The following SAMMSON variants were observed in gnomAD, a reference collection of about 807,000 sequenced individuals.
SAMMSON encodes long intergenic non-protein coding RNA 1212.
At chr3:70,030,029 TTGATTCATACTC>T (rs1012075285) in intron 3 of SAMMSON, among the ~76,000 whole-genome samples, 1 of 152,222 alleles carries the variant, frequency 6.6e-6, no homozygotes, top group Non-Finnish European at 1.5e-5. Context: ...GAATTTAATC[TTGATTCATACTC>T]TGTGGAATAT....
intron 4 of SAMMSON, among the ~76,000 whole-genome samples, chr3:70,170,323 A>T (rs184445510): frequency 2.0e-3 from 309 of 152,002 alleles, no homozygotes; most frequent in African/African-American, 7.2e-3. Flanking sequence ...ATAGCTTTAC[A>T]GGAAAAATGA....
chr3:70,276,770 G>C (rs1282116160), intron 6 of SAMMSON, among the ~76,000 whole-genome samples: 1 of 152,148 alleles, frequency 6.6e-6, no homozygotes, highest in Non-Finnish European at 1.5e-5. Flanking sequence ...TGGCAGAATT[G>C]AATAGTTGTG....
At chr3:70,147,607 A>G (rs1228650135) in intron 4 of SAMMSON, among the ~76,000 whole-genome samples, 1 of 152,056 alleles carries the variant, frequency 6.6e-6, no homozygotes, top group Non-Finnish European at 1.5e-5. Flanking sequence ...AACCATATGC[A>G]AGAAAATAAA....
intron 2 of SAMMSON, among the ~76,000 whole-genome samples, chr3:70,410,199 C>T (rs1559583421): frequency 1.3e-5 from 2 of 152,336 alleles, no homozygotes; most frequent in East Asian, 1.9e-4. Context: ...TGTTGCCTTC[C>T]TTCCCAGACC....
chr3:70,326,687 T>C (rs189401979), intron 7 of SAMMSON, among the ~76,000 whole-genome samples: 125 of 152,278 alleles, frequency 8.2e-4, no homozygotes, highest in Admixed American at 1.9e-3. Flanking sequence ...TTTGAATATA[T>C]TTTTCTCTCT....
intron 3 of SAMMSON, chr3:70,024,884 A>T (rs955187253): frequency 6.6e-6 from 1 of 152,198 alleles, no homozygotes; most frequent in Non-Finnish European, 1.5e-5. Context: ...GAGGCAGAAA[A>T]CTCAAGAATG....
In SAMMSON at chr3:70,144,099, C is replaced by T. The variant is rs1380558320; in HGVS notation, n.507+72534C>T. Among the ~76,000 whole-genome samples the T allele has an allele frequency of 2.6e-5, 4 of 151,962 alleles. No homozygotes were observed. The East Asian group carries it at 7.7e-4, about 29-fold the overall frequency. ...AACAACTTTCCTTGGTAGAAGAACT[C>T]ATCAAAAAATATTTGGAAAGGGCAA... On this transcript the variant is annotated intron_variant and non_coding_transcript_variant, in intron 4 of 9. Coordinates refer to ENST00000642114, the Ensembl canonical transcript of SAMMSON.
Position 70,411,866 on chromosome 3 carries a change from T to C in SAMMSON, n.234-50694T>C, listed in dbSNP as rs571950124. Among the ~76,000 whole-genome samples the C allele has an allele frequency of 2.0e-5, 3 of 152,324 alleles. No homozygotes were observed. In the South Asian group the frequency reaches 6.2e-4, roughly 32 times the overall value. On this transcript the variant is annotated intron_variant and non_coding_transcript_variant, in intron 2 of 3. Transcript: ENST00000641053. ...TAAATTACTCAGTCGTGGGTATTTC[T>C]TCATAGGAGTATGAAAATGGGCTCA...
At chr3:70,005,455 G>C (rs1411032922) in intron 1 of SAMMSON, among the ~76,000 whole-genome samples, 1 of 152,038 alleles carries the variant, frequency 6.6e-6, no homozygotes, top group Admixed American at 6.6e-5. Flanking sequence ...TCTCCATGTG[G>C]TGTTTCATCA....
chr3:70,079,592 A>T (rs2067260596), intron 4 of SAMMSON, among the ~76,000 whole-genome samples: 1 of 152,224 alleles, frequency 6.6e-6, no homozygotes, highest in Non-Finnish European at 1.5e-5. Flanking sequence ...TCTATAAAAT[A>T]GGCTTTGCGT....
At chr3:70,256,160 T>C (rs1299369848) in intron 6 of SAMMSON, among the ~76,000 whole-genome samples, 2 of 152,220 alleles carry the variant, frequency 1.3e-5, no homozygotes, top group Non-Finnish European at 2.9e-5. Context: ...TACGAATGAC[T>C]CTTTAAGATG....
chr3:70,413,329 A>G (rs1559584128), intron 2 of SAMMSON, among the ~76,000 whole-genome samples: 1 of 152,144 alleles, frequency 6.6e-6, no homozygotes, highest in Non-Finnish European at 1.5e-5. Context: ...TTCAGTCTAG[A>G]CAAACATTTC....
chr3:70,144,653 T>C (rs896526549), intron 4 of SAMMSON, among the ~76,000 whole-genome samples: 20 of 152,142 alleles, frequency 1.3e-4, no homozygotes, highest in African/African-American at 4.3e-4. Context: ...TCCCATATGT[T>C]GTGGGAGGGA....
intron 2 of SAMMSON, among the ~76,000 whole-genome samples, chr3:70,405,958 A>G (rs1228112172): frequency 6.6e-6 from 1 of 152,216 alleles, no homozygotes; most frequent in Non-Finnish European, 1.5e-5. Context: ...AGAAAAAGGC[A>G]TATTCAATAC....
intron 9 of SAMMSON, among the ~76,000 whole-genome samples, chr3:70,360,921 A>G (rs1354476089): frequency 6.6e-6 from 1 of 152,180 alleles, no homozygotes; most frequent in Non-Finnish European, 1.5e-5. Context: ...ACATGTAATG[A>G]ATAGCTATCA....
rs1412566539 is a variant in SAMMSON at position 70,365,974 on chromosome 3, T to C, written n.913+7650T>C. ...ATTGTTTGTGCTTTACCTTTTCTTT[T>C]TTTTTTTTTTTTTTTTTTTTTTTTT... On this transcript the variant is annotated intron_variant and non_coding_transcript_variant, in intron 9 of 9. Coordinates refer to ENST00000642114, the Ensembl canonical transcript of SAMMSON. 1.1e-3 allele frequency among the ~76,000 whole-genome samples: 19 copies of C among 16,886 alleles called. 6 individuals carry two copies. The highest frequency in any genetic ancestry group is 4.0e-3 in the African/African-American group (17 of 4,292). The allele number at this position is 16,886 out of a possible 152,430, so 11.1% of individuals were successfully genotyped here.
intron 4 of SAMMSON, among the ~76,000 whole-genome samples, chr3:70,113,786 A>G (rs928712894): frequency 6.6e-6 from 1 of 152,064 alleles, no homozygotes; most frequent in African/African-American, 2.4e-5. Flanking sequence ...TTAGGTTTAG[A>G]TGAGGTCTTG....
chr3:70,382,707 T>C (rs1332774890), intron 9 of SAMMSON, among the ~76,000 whole-genome samples: 1 of 152,112 alleles, frequency 6.6e-6, no homozygotes. Flanking sequence ...TTGTAAAAAT[T>C]ATAATACAAG....
At chr3:70,379,396 G>A (rs1309188208) in intron 9 of SAMMSON, among the ~76,000 whole-genome samples, 2 of 152,194 alleles carry the variant, frequency 1.3e-5, no homozygotes, top group African/African-American at 4.8e-5. Context: ...ATGGAGTTTA[G>A]TGTGCAGAAT....
Sources: gnomAD v4.1 joint callset for allele counts (sites outside exome capture counted in the v4.1 genomes callset) on GRCh38, gnomAD v4.1.1 for gene constraint, MANE v1.5 for transcripts, NCBI Gene and HGNC (gene_info 2026-07-23, HGNC 2026-07-21) for gene names.